FMNL2: variants seen among roughly 807,000 people sequenced by gnomAD.
The protein encoded by FMNL2 is formin like 2, also known as formin-like protein 2.
In FMNL2, 51 loss-of-function variants were observed where a neutral mutation model predicts 130.2. The ratio of observed to expected loss-of-function variants is 0.39; its 90% confidence interval spans 0.31 to 0.49. The LOEUF is 0.49. FMNL2 is among the 20% of genes least tolerant of loss of function. The pLI is 0.85. For synonymous variants in FMNL2, 465 were observed against 467.1 expected, an observed-to-expected ratio of 1.00 and a Z score of 0.06; for missense variants, 977 against 1,316.2, an observed-to-expected ratio of 0.74 and a Z score of 3.99.
At chr2:152,363,229 A>G (rs537584740) in intron 1 of FMNL2, among the ~76,000 whole-genome samples, 1 of 152,240 alleles carries the variant, frequency 6.6e-6, no homozygotes, top group Non-Finnish European at 1.5e-5. Context: ...AAAACAAAAA[A>G]TAATCCCCAA....
At chr2:152,439,291 T>C (rs1339504052) in intron 1 of FMNL2, among the ~76,000 whole-genome samples, 1 of 152,156 alleles carries the variant, frequency 6.6e-6, no homozygotes, top group African/African-American at 2.4e-5. Flanking sequence ...AAACTGCTAG[T>C]TTTATTGAAA....
Position 152,335,691 on chromosome 2 carries a change from G to C in FMNL2, c.88G>C (p.Glu30Gln), listed in dbSNP as rs778188018. ...PLKLPMPEPG[E>Q]LEERFAIVLN... ...GAAGCTGCCGATGCCAGAGCCAGGTGAACTGGAGGAGCGATTTGCCATCGT... is the reference window on the plus strand; with the variant it reads ...GAAGCTGCCGATGCCAGAGCCAGGTCAACTGGAGGAGCGATTTGCCATCGT... Residue 30 changes from glutamate to glutamine, a missense_variant, in exon 1 of 26, where the codon GAA becomes CAA. This residue lies in a region of FMNL2 where 117 missense variants were observed against 134.9 expected (regional missense o/e 0.87). Coordinates refer to ENST00000288670, the MANE Select transcript of FMNL2 (RefSeq NM_052905.4). The C allele has an allele frequency of 6.3e-7, 1 of 1,586,610 alleles. No individual in the cohort carries two copies. Among genetic ancestry groups the C allele is most frequent in the South Asian group, 1.1e-5 (1 of 89,218 alleles).
Position 152,502,229 on chromosome 2 carries a change from T to C in FMNL2, c.118-19714T>C, listed in dbSNP as rs186266320. On this transcript the variant is annotated intron_variant, in intron 1 of 25. Transcript: ENST00000288670. ...TTTCATCCTTGGAGCACCCACTAGG[T>C]ACAACCCTGTTGGAAACCTTAATGG... 2.5e-4 allele frequency among the ~76,000 whole-genome samples: 38 copies of C among 152,326 alleles called. No homozygotes were observed. The East Asian group carries it at 6.6e-3, about 26-fold the overall frequency.
At chr2:152,383,802 T>A (rs539380544) in intron 1 of FMNL2, among the ~76,000 whole-genome samples, 1 of 152,348 alleles carries the variant, frequency 6.6e-6, no homozygotes, top group Non-Finnish European at 1.5e-5. Flanking sequence ...TCAAGGGTTT[T>A]ATTTATGGCA....
chr2:152,558,778 T>G lies in FMNL2; in HGVS notation c.398T>G (p.Leu133Arg), dbSNP rs1695369915. ...REFLNEENKGLDVLVEYLSFA... is the reference protein window; with the variant it reads ...REFLNEENKGRDVLVEYLSFA... ...TTTCTGAATGAAGAAAACAAAGGTC[T>G]TGATGTTCTAGTGGAATATCTCTCA... is the stretch of plus-strand genomic sequence containing the variant. The change falls in exon 5 of 26, where the codon CTT (leucine) becomes CGT (arginine). Residue 133 changes from leucine to arginine, a missense_variant. Physicochemically the swap from Leu to Arg is moderately radical, Grantham distance 102. Around this residue, in one of 4 missense-constraint regions of FMNL2, gnomAD observed 689 missense variants for 995.9 expected, o/e 0.69. Coordinates refer to ENST00000288670, the MANE Select transcript of FMNL2 (RefSeq NM_052905.4). 1 of 1,613,386 alleles carries G rather than the reference T, an allele frequency of 6.2e-7. No homozygotes were observed. Among genetic ancestry groups the G allele is most frequent in the African/African-American group, 1.3e-5 (1 of 74,880 alleles).
At chr2:152,519,498 TG>T (rs1692955568) in intron 1 of FMNL2, among the ~76,000 whole-genome samples, 2 of 152,218 alleles carry the variant, frequency 1.3e-5, no homozygotes, top group Admixed American at 1.3e-4. Context: ...TGGCGATGTT[TG>T]CCAAGTGCTT....
intron 1 of FMNL2, among the ~76,000 whole-genome samples, chr2:152,394,660 C>A (rs1464771554): frequency 6.8e-6 from 1 of 147,400 alleles, no homozygotes; most frequent in Admixed American, 6.8e-5. Flanking sequence ...ACAACTTGAT[C>A]TCCCACACTA....
intron 5 of FMNL2, 50 bp downstream of exon 5, chr2:152,558,873 G>C: frequency 6.7e-7 from 1 of 1,499,042 alleles, no homozygotes; most frequent in Non-Finnish European, 9.2e-7. Context: ...GGTCACAGCA[G>C]ATGCTACTCA....
At chr2:152,550,006 T>C (rs1418397557) in intron 4 of FMNL2, among the ~76,000 whole-genome samples, 2 of 152,240 alleles carry the variant, frequency 1.3e-5, no homozygotes, top group Non-Finnish European at 2.9e-5. Context: ...ACTTTAGTTT[T>C]ACAGAGTATG....
intron 1 of FMNL2, among the ~76,000 whole-genome samples, chr2:152,380,841 T>G (rs1282349456): frequency 6.6e-6 from 1 of 152,164 alleles, no homozygotes; most frequent in East Asian, 1.9e-4. Flanking sequence ...CGTTCTAGTT[T>G]AAGAGCATGC....
At chr2:152,552,611 T>C (rs1417012251) in intron 4 of FMNL2, among the ~76,000 whole-genome samples, 3 of 152,206 alleles carry the variant, frequency 2.0e-5, no homozygotes, top group Non-Finnish European at 4.4e-5. Context: ...TAATTTTCTT[T>C]GAGTCAAATT....
chr2:152,553,259 T>A (rs73968068), intron 4 of FMNL2, among the ~76,000 whole-genome samples: 1 of 152,202 alleles, frequency 6.6e-6, no homozygotes, highest in Non-Finnish European at 1.5e-5. Flanking sequence ...CAAGCTGCCT[T>A]ATGATTAACT....
intron 2 of FMNL2, 83 bp downstream of exon 2, chr2:152,522,109 TGATTG>T: frequency 8.8e-7 from 1 of 1,135,964 alleles, no homozygotes; most frequent in Non-Finnish European, 1.3e-6. Flanking sequence ...GTCAATATCA[TGATTG>T]AAAAACAAGA....
intron 24 of FMNL2, 135 bp from the exon 25 acceptor site, chr2:152,640,656 G>C: frequency 1.8e-6 from 2 of 1,113,372 alleles, no homozygotes; most frequent in South Asian, 1.7e-5. Context: ...CTCTGCAACT[G>C]AGCAGAATGT....
intron 10 of FMNL2, among the ~76,000 whole-genome samples, chr2:152,611,285 G>A (rs1402164413): frequency 1.3e-5 from 2 of 152,100 alleles, no homozygotes; most frequent in African/African-American, 4.8e-5. Flanking sequence ...GTTGCAGTGA[G>A]CCGAGATCAT....
At chr2:152,581,973 G>T (rs2105729884) in intron 9 of FMNL2, among the ~76,000 whole-genome samples, 1 of 152,284 alleles carries the variant, frequency 6.6e-6, no homozygotes, top group East Asian at 1.9e-4. Context: ...TAGAAACTCT[G>T]ATAGTATTTA....
At chr2:152,554,039 G>T (rs1177994379) in intron 4 of FMNL2, among the ~76,000 whole-genome samples, 1 of 152,062 alleles carries the variant, frequency 6.6e-6, no homozygotes, top group Non-Finnish European at 1.5e-5. Context: ...AAAATTGAAC[G>T]GCTAGTAACT....
At position 152,622,413 on chromosome 2, in the gene FMNL2, G is replaced by A. The variant is rs3811571; in HGVS notation, c.1837+2695G>A. 2.0e-5 allele frequency: 9 copies of A among 449,192 alleles called. No individual in the cohort carries two copies. The East Asian group carries it at 2.1e-4, about 10-fold the overall frequency. 27.8% of individuals were successfully genotyped at this position (449,192 alleles called of 1,614,324 possible). A position where few individuals can be genotyped will look rare whatever the true frequency, so the allele number is the denominator to read the frequency against. ...GGAAATGAATTTTTGGCTCTGTGCCGCCTTGTGAAATGTGTCCAAGAAGCA... is the reference window on the plus strand; with the variant it reads ...GGAAATGAATTTTTGGCTCTGTGCCACCTTGTGAAATGTGTCCAAGAAGCA... On this transcript the variant is annotated intron_variant, in intron 15 of 25. Coordinates refer to ENST00000288670, the MANE Select transcript of FMNL2 (RefSeq NM_052905.4).
In FMNL2 at chr2:152,478,255, T is replaced by A. The variant is rs1485252753; in HGVS notation, c.118-43688T>A. Among the ~76,000 whole-genome samples, 509 of 138,342 alleles carry A rather than the reference T, an allele frequency of 3.7e-3. 2 individuals are homozygous for A. The highest frequency in any genetic ancestry group is 0.014 in the Middle Eastern group (4 of 276). 90.8% of individuals were successfully genotyped at this position (138,342 alleles called of 152,430 possible). A position where few individuals can be genotyped will look rare whatever the true frequency, so the allele number is the denominator to read the frequency against. On this transcript the variant is annotated intron_variant, in intron 1 of 25. Transcript: ENST00000288670. ...ATATATATATATATATATATATTTT[T>A]TTTTTTTTTTTTTGAGACAGAGTCT...
Sources: allele counts gnomAD v4.1 joint callset (sites outside exome capture counted in the v4.1 genomes callset), GRCh38; gene constraint gnomAD v4.1.1; regional missense constraint gnomAD v4.1.1; transcripts MANE v1.5; gene names NCBI Gene and HGNC (gene_info 2026-07-23, HGNC 2026-07-21).